Variants in SEC23IP observed in about 807,000 individuals in gnomAD.
SEC23IP encodes the protein SEC23 interacting protein.
SEC23IP carries 70 observed loss-of-function variants against 113.4 expected under a neutral mutation model. The observed-to-expected ratio is 0.62, with a 90% CI of 0.51 to 0.75. SEC23IP has a LOEUF of 0.75. SEC23IP is among the 30% of genes least tolerant of loss of function. The probability of loss-of-function intolerance (pLI) is 0.00; values close to 1 mark genes in which losing one functional copy is unlikely to be tolerated. For missense variants in SEC23IP, 1,160 were observed against 1,204.9 expected (o/e 0.96, Z 0.55); for synonymous variants, 398 against 421.0 (o/e 0.95, Z 0.67).
chr10:119,939,876 T>C (rs1855909546), intron 18 of SEC23IP, among the ~76,000 whole-genome samples: 1 of 151,976 alleles, frequency 6.6e-6, no homozygotes, highest in Admixed American at 6.6e-5. Context: ...TTTTATTTTT[T>C]GGTAGAGACA....
In SEC23IP at chr10:119,932,055, G is replaced by A. The variant is rs565058726; in HGVS notation, c.2573-78G>A. The A allele has an allele frequency of 2.4e-5, 21 of 878,340 alleles. No individual in the cohort carries two copies. In the Middle Eastern group the frequency reaches 7.4e-4, roughly 31 times the overall value. The allele number at this position is 878,340 out of a possible 1,614,324, so 54.4% of individuals were successfully genotyped here. A position where few individuals can be genotyped will look rare whatever the true frequency, so the allele number is the denominator to read the frequency against. ...AACAGTCTTATCCTGTCTGAGAAGA[G>A]TGTTAACTTACAATTTTTGTGAGGC... On this transcript the variant is annotated intron_variant, in intron 15 of 18. Transcript: ENST00000369075.
intron 8 of SEC23IP, among the ~76,000 whole-genome samples, chr10:119,916,414 T>C (rs1855054633): frequency 6.6e-6 from 1 of 152,238 alleles, no homozygotes; most frequent in African/African-American, 2.4e-5. Flanking sequence ...AAAAATACTC[T>C]GCTCAATTTT....
At chr10:119,906,884 A>G (rs1854687090) in intron 4 of SEC23IP, among the ~76,000 whole-genome samples, 1 of 152,026 alleles carries the variant, frequency 6.6e-6, no homozygotes, top group African/African-American at 2.4e-5. Context: ...CCTGAAAATA[A>G]TTTTTAAGGT....
intron 12 of SEC23IP, among the ~76,000 whole-genome samples, chr10:119,923,424 C>A (rs962926618): frequency 1.3e-5 from 2 of 151,524 alleles, no homozygotes; most frequent in African/African-American, 4.8e-5. Context: ...ACAAGGAGAT[C>A]AAATATTTGT....
At chr10:119,903,534 T>C (rs972608063) in intron 3 of SEC23IP, among the ~76,000 whole-genome samples, 1 of 152,216 alleles carries the variant, frequency 6.6e-6, no homozygotes, top group Non-Finnish European at 1.5e-5. Flanking sequence ...GTAGATATTA[T>C]TGTTCTGATA....
At chr10:119,909,463 G>A (rs1043626612) in intron 5 of SEC23IP, among the ~76,000 whole-genome samples, 7 of 152,176 alleles carry the variant, frequency 4.6e-5, no homozygotes, top group Non-Finnish European at 1.0e-4. Flanking sequence ...GCACATGCCT[G>A]TAGTCCCAGC....
intron 4 of SEC23IP, among the ~76,000 whole-genome samples, chr10:119,908,830 T>C (rs879447197): frequency 6.6e-6 from 1 of 152,206 alleles, no homozygotes; most frequent in African/African-American, 2.4e-5. Context: ...TTCTTCATTA[T>C]ATAATGGGGA....
rs138360370 is a variant in SEC23IP, at chr10:119,901,303, A to G, written c.697-1496A>G. On this transcript the variant is annotated intron_variant, in intron 2 of 18. Coordinates refer to ENST00000369075, the MANE Select transcript of SEC23IP (RefSeq NM_007190.4). ...ATTATAGGTGTGAACCATCGTGTCT[A>G]TCCTCTAAAACTTTTATTTTTGTTT... Among the ~76,000 whole-genome samples, 241 of 151,474 alleles carry G rather than the reference A, an allele frequency of 1.6e-3. 1 individual carries two copies. The highest frequency in any genetic ancestry group is 6.9e-3 in the Middle Eastern group (2 of 290).
chr10:119,894,220 A>G (rs1854196494), intron 1 of SEC23IP, among the ~76,000 whole-genome samples: 1 of 152,256 alleles, frequency 6.6e-6, no homozygotes, highest in Non-Finnish European at 1.5e-5. Context: ...CTTCTTCAGC[A>G]GCTATGACCT....
Position 119,929,613 on chromosome 10 carries a change from G to C in SEC23IP, c.2320G>C (p.Val774Leu). 1 of 1,606,248 alleles carries C rather than the reference G, an allele frequency of 6.2e-7. No homozygotes were observed. Among genetic ancestry groups the C allele is most frequent in the Non-Finnish European group, 8.5e-7 (1 of 1,174,974 alleles). Residue 774 changes from valine (V) to leucine (L), a missense_variant, in exon 14 of 19, where the codon GTT becomes CTT. Coordinates refer to ENST00000369075, the MANE Select transcript of SEC23IP (RefSeq NM_007190.4). ...SFEVGAGQVS[V>L]AYNSLDFEPE... ...GTTATTTGATTCTTTCCAGGTTTCT[G>C]TTGCTTACAACTCATTAGATTTTGA...
At chr10:119,901,046 G>C (rs200574497) in intron 2 of SEC23IP, among the ~76,000 whole-genome samples, 4 of 118,912 alleles carry the variant, frequency 3.4e-5, no homozygotes, top group Middle Eastern at 4.4e-3. Context: ...TTAAAGAGTG[G>C]GGGGGGGGTC....
At chr10:119,909,483 G>C (rs1290423683) in intron 5 of SEC23IP, among the ~76,000 whole-genome samples, 1 of 152,182 alleles carries the variant, frequency 6.6e-6, no homozygotes, top group African/African-American at 2.4e-5. Context: ...CTACTCAAGA[G>C]GCTGAGGTGG....
chr10:119,939,617 G>T (rs1855900531), intron 18 of SEC23IP, among the ~76,000 whole-genome samples: 1 of 152,236 alleles, frequency 6.6e-6, no homozygotes, highest in African/African-American at 2.4e-5. Context: ...TGAGGGTGCA[G>T]TGAGCTGAGA....
intron 1 of SEC23IP, among the ~76,000 whole-genome samples, chr10:119,894,834 ATTG>A (rs2134444652): frequency 6.7e-6 from 1 of 149,842 alleles, no homozygotes; most frequent in Admixed American, 6.7e-5. Context: ...AAACGTTTTC[ATTG>A]TTAAGTCTGG....
chr10:119,910,090 C>A (rs1027050163), intron 5 of SEC23IP, among the ~76,000 whole-genome samples: 1 of 152,090 alleles, frequency 6.6e-6, no homozygotes. Flanking sequence ...AGCTCTGCCA[C>A]CGTGGTGTGA....
rs1485045075 is a variant in SEC23IP at position 119,942,577 on chromosome 10, C to G, written c.*2012C>G. 1 of 152,196 alleles carries G rather than the reference C, an allele frequency of 6.6e-6. No homozygotes were observed. Among genetic ancestry groups the G allele is most frequent in the Non-Finnish European group, 1.5e-5 (1 of 68,048 alleles). 9.4% of individuals were successfully genotyped at this position (152,196 alleles called of 1,614,324 possible). A position where few individuals can be genotyped will look rare whatever the true frequency, so the allele number is the denominator to read the frequency against. On this transcript the variant is annotated 3_prime_UTR_variant, in exon 19 of 19. Coordinates refer to ENST00000369075, the MANE Select transcript of SEC23IP (RefSeq NM_007190.4). ...CCCTGACAACCTCCCCTCCCAGCCC[C>G]TAATCTGGTTTAATGCCCTCCTTTT...
Position 119,932,279 on chromosome 10 carries a change from A to G in SEC23IP, c.2719A>G (p.Asn907Asp). Residue 907 changes from asparagine (N) to aspartate (D), a missense_variant, in exon 16 of 19, where the codon AAT becomes GAT. Physicochemically the swap from Asn to Asp is conservative, Grantham distance 23. Transcript: ENST00000369075. ...GCAAGAAGAATTGGAGAAGGTGGCCAATCAGATCAAAGAAGAAGAAGAAAA... is the reference window on the plus strand; with the variant it reads ...GCAAGAAGAATTGGAGAAGGTGGCCGATCAGATCAAAGAAGAAGAAGAAAA... ...QLQEELEKVA[N>D]QIKEEEEKQV... The G allele has an allele frequency of 6.2e-7, 1 of 1,614,054 alleles. No homozygotes were observed. Among genetic ancestry groups the G allele is most frequent in the Non-Finnish European group, 8.5e-7 (1 of 1,179,958 alleles).
At chr10:119,929,841 G>C in intron 14 of SEC23IP, 79 bp downstream of exon 14, 3 of 928,902 alleles carry the variant, frequency 3.2e-6, no homozygotes, top group Non-Finnish European at 4.9e-6. Context: ...TAGAGATGGG[G>C]TCTTACTATG....
At chr10:119,925,868 C>T (rs1418156109) in intron 12 of SEC23IP, among the ~76,000 whole-genome samples, 168 bp from the exon 13 acceptor site, 1 of 152,094 alleles carries the variant, frequency 6.6e-6, no homozygotes, top group African/African-American at 2.4e-5. Context: ...TTAGCTGAAG[C>T]AAAAGCTGCA....
Sources: gnomAD v4.1 joint callset for allele counts (sites outside exome capture counted in the v4.1 genomes callset) on GRCh38, gnomAD v4.1.1 for gene constraint, MANE v1.5 for transcripts, NCBI Gene and HGNC (gene_info 2026-07-23, HGNC 2026-07-21) for gene names.